Variants in PLA2G4A observed in about 807,000 individuals in gnomAD.
PLA2G4A encodes the protein cytosolic phospholipase A2.
Under a neutral mutation model 81.9 loss-of-function variants are expected in PLA2G4A, and 40 were observed. The observed-to-expected ratio is 0.49, with a 90% CI of 0.38 to 0.64. The LOEUF is 0.64. Ranked by LOEUF, PLA2G4A falls within the 30% of genes least tolerant of loss-of-function variation. The pLI is 0.00. For synonymous variants in PLA2G4A, 302 were observed against 296.9 expected (o/e 1.02, Z -0.18); for missense variants, 715 against 905.1 (o/e 0.79, Z 2.69).
chr1:186,887,943 T>C (rs1365965686), intron 3 of PLA2G4A, among the ~76,000 whole-genome samples: 1 of 152,164 alleles, frequency 6.6e-6, no homozygotes. Context: ...TCTACCACTG[T>C]TATAGATATT....
intron 8 of PLA2G4A, among the ~76,000 whole-genome samples, chr1:186,936,161 C>T (rs1314186914): frequency 6.6e-6 from 1 of 151,900 alleles, no homozygotes; most frequent in Non-Finnish European, 1.5e-5. Context: ...GAAATCAGAA[C>T]AGCTCTGCAT....
intron 3 of PLA2G4A, among the ~76,000 whole-genome samples, chr1:186,889,247 T>A (rs971593645): frequency 6.6e-6 from 1 of 152,208 alleles, no homozygotes; most frequent in African/African-American, 2.4e-5. Flanking sequence ...TGACTGGCTT[T>A]CCCCTTTTGT....
chr1:186,960,527 G>A (rs1299322310), intron 14 of PLA2G4A, among the ~76,000 whole-genome samples: 1 of 152,200 alleles, frequency 6.6e-6, no homozygotes. Flanking sequence ...TTTAATAGAT[G>A]TTATACAGTA....
intron 17 of PLA2G4A, among the ~76,000 whole-genome samples, chr1:186,986,053 A>G (rs1657882010): frequency 6.6e-6 from 1 of 152,142 alleles, no homozygotes; most frequent in South Asian, 2.1e-4. Flanking sequence ...TAATGTGAAA[A>G]ACCTGGTTAA....
At chr1:186,982,262 A>G (rs570542389) in intron 17 of PLA2G4A, among the ~76,000 whole-genome samples, 97 of 152,362 alleles carry the variant, frequency 6.4e-4, no homozygotes, top group Middle Eastern at 3.4e-3. Context: ...AGTTTCTGGC[A>G]CAGCATGTAC....
intron 15 of PLA2G4A, among the ~76,000 whole-genome samples, chr1:186,966,746 T>G (rs954688491): frequency 1.3e-5 from 2 of 152,194 alleles, no homozygotes; most frequent in African/African-American, 2.4e-5. Flanking sequence ...TTATCTTTCT[T>G]GACTTCCACA....
chr1:186,851,247 C>T (rs560716420), intron 1 of PLA2G4A, among the ~76,000 whole-genome samples: 1 of 151,964 alleles, frequency 6.6e-6, no homozygotes, highest in African/African-American at 2.4e-5. Flanking sequence ...ATAGACATTT[C>T]AGCTTCTGGA....
At chr1:186,943,459 G>A (rs1656228850) in intron 10 of PLA2G4A, among the ~76,000 whole-genome samples, 1 of 152,082 alleles carries the variant, frequency 6.6e-6, no homozygotes, top group Non-Finnish European at 1.5e-5. Flanking sequence ...TTTTCCTCAA[G>A]AAAGTTATAA....
intron 2 of PLA2G4A, among the ~76,000 whole-genome samples, chr1:186,869,818 G>C (rs1353245348): frequency 6.6e-6 from 1 of 152,122 alleles, no homozygotes; most frequent in Non-Finnish European, 1.5e-5. Flanking sequence ...TTTGATAACT[G>C]TTTCCCATTT....
chr1:186,978,888 C>T (rs1030303637), intron 16 of PLA2G4A, among the ~76,000 whole-genome samples: 4 of 152,214 alleles, frequency 2.6e-5, no homozygotes, highest in African/African-American at 7.2e-5. Flanking sequence ...ACAATGGGAA[C>T]TTGATCCGCT....
chr1:186,894,297 T>C (rs1169960389), intron 5 of PLA2G4A, 86 bp downstream of exon 5: 2 of 719,894 alleles, frequency 2.8e-6, no homozygotes, highest in Non-Finnish European at 5.1e-6. Flanking sequence ...ACTTGGAAAA[T>C]TGTATTTATT....
In PLA2G4A at chr1:186,979,112, C is replaced by T. The variant is rs1444124379; in HGVS notation, c.1961-203C>T. 3.9e-5 allele frequency among the ~76,000 whole-genome samples: 6 copies of T among 152,278 alleles called. No homozygotes were observed. The South Asian group carries it at 6.2e-4, about 16-fold the overall frequency. On this transcript the variant is annotated intron_variant, in intron 16 of 17. Coordinates refer to ENST00000367466, the MANE Select transcript of PLA2G4A (RefSeq NM_024420.3). Reference sequence around the variant, plus strand: ...TTGCAGGGCAGGATAGAAAGCCCTCCGGCACACAGATGTCAGATATTGGCA... The same window carrying T: ...TTGCAGGGCAGGATAGAAAGCCCTCTGGCACACAGATGTCAGATATTGGCA...
At chr1:186,879,486 A>T (rs1187537351) in intron 3 of PLA2G4A, among the ~76,000 whole-genome samples, 1 of 151,924 alleles carries the variant, frequency 6.6e-6, no homozygotes, top group Non-Finnish European at 1.5e-5. Context: ...AAGAGGAAGC[A>T]TTGTTTAGTG....
intron 2 of PLA2G4A, among the ~76,000 whole-genome samples, chr1:186,869,596 C>A (rs1653166344): frequency 6.6e-6 from 1 of 152,172 alleles, no homozygotes; most frequent in South Asian, 2.1e-4. Context: ...TCACTGCTCA[C>A]TTTTCAGTAT....
intron 5 of PLA2G4A, among the ~76,000 whole-genome samples, chr1:186,901,218 A>C (rs1654527060): frequency 6.6e-6 from 1 of 152,228 alleles, no homozygotes; most frequent in South Asian, 2.1e-4. Flanking sequence ...TGCAGGACAG[A>C]GTTCAAATGT....
chr1:186,920,039 C>T (rs948466018), intron 7 of PLA2G4A, among the ~76,000 whole-genome samples: 6 of 152,160 alleles, frequency 3.9e-5, no homozygotes, highest in East Asian at 1.9e-4. Flanking sequence ...TCTATGAGCA[C>T]GGGGGCTTGG....
At chr1:186,877,272 T>C (rs1233223004) in intron 3 of PLA2G4A, among the ~76,000 whole-genome samples, 1 of 152,000 alleles carries the variant, frequency 6.6e-6, no homozygotes, top group African/African-American at 2.4e-5. Context: ...TATTGAGATA[T>C]AGAACGAGTT....
intron 7 of PLA2G4A, among the ~76,000 whole-genome samples, chr1:186,930,443 G>A (rs947599112): frequency 2.6e-5 from 4 of 152,168 alleles, no homozygotes; most frequent in Admixed American, 6.5e-5. Flanking sequence ...GTGTCGGGCT[G>A]TTGGCATTTG....
At chr1:186,982,964 G>T (rs1209813011) in intron 17 of PLA2G4A, among the ~76,000 whole-genome samples, 1 of 151,724 alleles carries the variant, frequency 6.6e-6, no homozygotes, top group African/African-American at 2.4e-5. Flanking sequence ...GGTGCCTGTA[G>T]TCCCAGCTAC....
Sources: allele counts gnomAD v4.1 joint callset (sites outside exome capture counted in the v4.1 genomes callset), GRCh38; gene constraint gnomAD v4.1.1; transcripts MANE v1.5; gene names NCBI Gene and HGNC (gene_info 2026-07-23, HGNC 2026-07-21).